Variants in SORCS3 observed in about 807,000 individuals in gnomAD.
SORCS3 encodes VPS10 domain-containing receptor SorCS3.
Under a neutral mutation model 146.3 loss-of-function variants are expected in SORCS3, and 57 were observed. The observed-to-expected ratio is 0.39, with a 90% CI of 0.31 to 0.49. The LOEUF is 0.49. Ranked by LOEUF, SORCS3 falls within the 20% of genes least tolerant of loss-of-function variation. The pLI is 0.92. For synonymous variants in SORCS3, 653 were observed against 618.5 expected, an observed-to-expected ratio of 1.06 and a Z score of -0.83; for missense variants, 1,341 against 1,575.5, an observed-to-expected ratio of 0.85 and a Z score of 2.52.
chr10:105,240,921 C>G (rs1156956925), intron 20 of SORCS3, among the ~76,000 whole-genome samples: 2 of 110,314 alleles, frequency 1.8e-5, no homozygotes, highest in African/African-American at 3.5e-5. Context: ...TATACACACA[C>G]ATATACACAC....
intron 1 of SORCS3, among the ~76,000 whole-genome samples, chr10:104,762,767 T>C (rs2017136740): frequency 1.3e-5 from 2 of 152,204 alleles, no homozygotes; most frequent in African/African-American, 4.8e-5. Context: ...CATCCTTGCT[T>C]CTCCTGTACC....
chr10:105,256,710 A>G (rs550062394), intron 24 of SORCS3, 109 bp from the exon 25 acceptor site: 1 of 771,634 alleles, frequency 1.3e-6, no homozygotes, highest in South Asian at 1.7e-5. Context: ...TGGAGACTAG[A>G]CATAAGGATG....
At chr10:104,970,330 A>G (rs746613499) in intron 3 of SORCS3, among the ~76,000 whole-genome samples, 63 of 152,228 alleles carry the variant, frequency 4.1e-4, no homozygotes, top group Non-Finnish European at 8.1e-4. Context: ...TATTTTTGGT[A>G]GAGATGGGGT....
At chr10:105,090,303 A>G (rs1033121978) in intron 6 of SORCS3, among the ~76,000 whole-genome samples, 2 of 152,196 alleles carry the variant, frequency 1.3e-5, no homozygotes, top group Non-Finnish European at 2.9e-5. Context: ...AGTGTCAGAC[A>G]TAATTTTAAG....
At chr10:104,771,811 T>A (rs918788960) in intron 1 of SORCS3, among the ~76,000 whole-genome samples, 3 of 151,522 alleles carry the variant, frequency 2.0e-5, no homozygotes, top group African/African-American at 7.3e-5. Flanking sequence ...TCACACTAGA[T>A]ACAATGAGAA....
intron 4 of SORCS3, among the ~76,000 whole-genome samples, chr10:105,016,155 A>ATTTT (rs10625699): frequency 6.7e-4 from 68 of 101,312 alleles, no homozygotes; most frequent in South Asian, 1.4e-3. Context: ...ATATATATAT[A>ATTTT]TTTTTTTTTT....
In SORCS3 at chr10:105,178,266, C is replaced by T. The variant is rs950927060; in HGVS notation, c.2009+93C>T. ...GGATTTTTCCCAGGGAACCCTACAC[C>T]AAAGTGGTCCAATCTCTGGGCCAAA... On this transcript the variant is annotated intron_variant, in intron 14 of 26. Transcript: ENST00000369701. 3 of 922,384 alleles carry T rather than the reference C, an allele frequency of 3.3e-6. No homozygotes were observed. The African/African-American group carries it at 5.1e-5, about 16-fold the overall frequency. 57.1% of individuals were successfully genotyped at this position (922,384 alleles called of 1,614,324 possible). A position where few individuals can be genotyped will look rare whatever the true frequency, so the allele number is the denominator to read the frequency against.
At chr10:105,036,449 A>T (rs73338293) in intron 4 of SORCS3, among the ~76,000 whole-genome samples, 6,985 of 152,210 alleles carry the variant, frequency 0.046, 186 homozygotes, top group Middle Eastern at 0.075. Flanking sequence ...AGCCTTGCAC[A>T]TGCTGGGTGC....
chr10:105,192,365 G>A (rs1175163519), intron 14 of SORCS3, among the ~76,000 whole-genome samples: 1 of 152,162 alleles, frequency 6.6e-6, no homozygotes, highest in Non-Finnish European at 1.5e-5. Context: ...CAGAGGAAAA[G>A]CATGTTGAAG....
At chr10:105,014,546 GTATC>G (rs1374067566) in intron 4 of SORCS3, among the ~76,000 whole-genome samples, 4 of 152,138 alleles carry the variant, frequency 2.6e-5, no homozygotes, top group Non-Finnish European at 5.9e-5. Context: ...CAAAGGATAA[GTATC>G]TATTTTGTAT....
At chr10:104,867,141 T>C (rs1012928540) in intron 2 of SORCS3, among the ~76,000 whole-genome samples, 1 of 151,832 alleles carries the variant, frequency 6.6e-6, no homozygotes, top group Non-Finnish European at 1.5e-5. Flanking sequence ...ATAAGCCAGG[T>C]AATAACTAAA....
chr10:104,854,988 T>C (rs1219190186), intron 2 of SORCS3, among the ~76,000 whole-genome samples: 2 of 152,212 alleles, frequency 1.3e-5, no homozygotes, highest in African/African-American at 4.8e-5. Context: ...TGTTTCTAGT[T>C]TTTGGCTATG....
intron 1 of SORCS3, among the ~76,000 whole-genome samples, chr10:104,827,059 G>A (rs1466368212): frequency 6.6e-6 from 1 of 152,040 alleles, no homozygotes; most frequent in Non-Finnish European, 1.5e-5. Flanking sequence ...TTGCTATTTC[G>A]ACCATATCTG....
chr10:104,935,554 A>T (rs988324141), intron 3 of SORCS3, among the ~76,000 whole-genome samples: 4 of 152,060 alleles, frequency 2.6e-5, no homozygotes, highest in African/African-American at 9.7e-5. Context: ...TCATCCATCA[A>T]ATTTTATTTA....
At chr10:105,084,709 C>G (rs767495063) in intron 5 of SORCS3, among the ~76,000 whole-genome samples, 1 of 151,110 alleles carries the variant, frequency 6.6e-6, no homozygotes, top group Non-Finnish European at 1.5e-5. Flanking sequence ...TTAAGCGTGT[C>G]CAGCTAAGGC....
At position 105,011,880 on chromosome 10, in the gene SORCS3, A is replaced by G. The variant is rs1207977521; in HGVS notation, c.955-31175A>G. ...TTGTGAAGCTTCTTACGTCTGTAAT[A>G]TTTTTAAAAGTTATAGCATTTATTG... On this transcript the variant is annotated intron_variant, in intron 4 of 26. Coordinates refer to ENST00000369701, the MANE Select transcript of SORCS3 (RefSeq NM_014978.3). Among the ~76,000 whole-genome samples, 5 of 152,188 alleles carry G rather than the reference A, an allele frequency of 3.3e-5. No individual in the cohort carries two copies. In the South Asian group the frequency reaches 1.0e-3, roughly 32 times the overall value.
intron 1 of SORCS3, among the ~76,000 whole-genome samples, chr10:104,701,992 C>T (rs1420516091): frequency 1.3e-5 from 2 of 152,008 alleles, no homozygotes; most frequent in Admixed American, 6.6e-5. Flanking sequence ...TGTGGGCCAC[C>T]GGGTGAGCTA....
In SORCS3 at chr10:104,642,049, G is replaced by T. The variant is rs555918789; in HGVS notation, c.627+95G>T. On this transcript the variant is annotated intron_variant, in intron 1 of 26. Transcript: ENST00000369701. ...GCGAGGGACAGATAGTTGCTCGGGGGTCGAGGCGGGGGACGCCTCGACTTT... is the reference window on the plus strand; with the variant it reads ...GCGAGGGACAGATAGTTGCTCGGGGTTCGAGGCGGGGGACGCCTCGACTTT... 3.6e-6 allele frequency: 5 copies of T among 1,383,748 alleles called. No homozygotes were observed. The South Asian group carries it at 7.3e-5, about 20-fold the overall frequency. 85.7% of individuals were successfully genotyped at this position (1,383,748 alleles called of 1,614,324 possible).
At chr10:104,688,216 G>T (rs1305849541) in intron 1 of SORCS3, among the ~76,000 whole-genome samples, 1 of 152,246 alleles carries the variant, frequency 6.6e-6, no homozygotes, top group Non-Finnish European at 1.5e-5. Context: ...GGGTCAGGGA[G>T]GTCTCCAGTG....
Sources: allele counts gnomAD v4.1 joint callset (sites outside exome capture counted in the v4.1 genomes callset), GRCh38; gene constraint gnomAD v4.1.1; transcripts MANE v1.5; gene names NCBI Gene and HGNC (gene_info 2026-07-23, HGNC 2026-07-21).